The following TLK1 variants were observed in gnomAD, a reference collection of about 807,000 sequenced individuals.
TLK1 encodes serine/threonine-protein kinase tousled-like 1.
In TLK1, 24 loss-of-function variants were observed where a neutral mutation model predicts 105.3. The ratio of observed to expected loss-of-function variants is 0.23; its 90% CI spans 0.17 to 0.32. The LOEUF (loss-of-function observed/expected upper bound fraction) is 0.32. Ranked by LOEUF, TLK1 falls within the 10% of genes least tolerant of loss-of-function variation. The pLI is 1.00. For missense variants in TLK1, 558 were observed against 910.5 expected (o/e 0.61, Z 4.98); for synonymous variants, 321 against 310.4 (o/e 1.03, Z -0.36).
chr2:171,219,156 T>G (rs896724045), intron 1 of TLK1, among the ~76,000 whole-genome samples: 13 of 152,212 alleles, frequency 8.5e-5, no homozygotes, highest in Non-Finnish European at 1.6e-4. Context: ...AATTGTTTTC[T>G]TTCAGTTCTG....
chr2:171,156,505 A>C (rs1482406787), intron 1 of TLK1, among the ~76,000 whole-genome samples: 1 of 152,246 alleles, frequency 6.6e-6, no homozygotes, highest in Non-Finnish European at 1.5e-5. Context: ...CTGAGGCCAA[A>C]AGGCTAAAGC....
At chr2:171,056,398 C>CA in intron 6 of TLK1, 73 bp downstream of exon 6, 1 of 1,237,104 alleles carries the variant, frequency 8.1e-7, no homozygotes, top group Non-Finnish European at 1.1e-6. Context: ...TAAAAAACAA[C>CA]AAATTATAAA....
intron 18 of TLK1, 124 bp downstream of exon 18, chr2:171,006,023 A>C (rs1189863770): frequency 1.0e-6 from 1 of 976,012 alleles, no homozygotes; most frequent in African/African-American, 1.7e-5. Context: ...CTGAGAGCTT[A>C]ATATCAGTAC....
At chr2:171,150,619 A>C (rs1691994368) in intron 1 of TLK1, among the ~76,000 whole-genome samples, 1 of 152,256 alleles carries the variant, frequency 6.6e-6, no homozygotes, top group Non-Finnish European at 1.5e-5. Flanking sequence ...TGTGGACATC[A>C]GGAAAGAGAA....
intron 1 of TLK1, among the ~76,000 whole-genome samples, chr2:171,121,560 A>G (rs1242196298): frequency 6.6e-6 from 1 of 152,206 alleles, no homozygotes; most frequent in Non-Finnish European, 1.5e-5. Context: ...TTAATTCAAT[A>G]AATTGGACTT....
chr2:171,046,265 G>C lies in TLK1; in HGVS notation c.1078C>G (p.Pro360Ala), dbSNP rs762505380. The stretch of plus-strand genomic sequence containing the variant: ...TGTTTTGGTTCAGAATTGGTAGAGG[G>C]TGCCTGAGAATTATTAGCTGTGGGA... ...KPPTANNSQAPSTNSEPKQRK... is the reference protein window; with the variant it reads ...KPPTANNSQAASTNSEPKQRK... The change falls in exon 11 of 21, where the codon CCC (proline) becomes GCC (alanine). Residue 360 changes from proline (P) to alanine (A), a missense_variant. This residue lies in a region of TLK1 where 218 missense variants were observed against 492.9 expected (regional missense o/e 0.44). Coordinates refer to ENST00000431350, the MANE Select transcript of TLK1 (RefSeq NM_012290.5). 6.2e-7 allele frequency: 1 copy of C among 1,613,472 alleles called. No individual in the cohort carries two copies. The highest frequency in any genetic ancestry group is 1.3e-5 in the African/African-American group (1 of 74,888).
At chr2:171,037,027 A>T (rs1214763934) in intron 11 of TLK1, among the ~76,000 whole-genome samples, 1 of 152,224 alleles carries the variant, frequency 6.6e-6, no homozygotes, top group Non-Finnish European at 1.5e-5. Context: ...GAATACACAG[A>T]GCAAAGAAAA....
At chr2:171,049,669 G>A in intron 10 of TLK1, 145 bp downstream of exon 10, 1 of 897,348 alleles carries the variant, frequency 1.1e-6, no homozygotes, top group Non-Finnish European at 1.6e-6. Flanking sequence ...TAATACTCTT[G>A]GTTTCATATC....
intron 18 of TLK1, among the ~76,000 whole-genome samples, chr2:170,998,857 C>T (rs556554640): frequency 2.0e-5 from 3 of 152,340 alleles, no homozygotes; most frequent in African/African-American, 4.8e-5. Flanking sequence ...CAGCCTCACA[C>T]TCCTGGGCTC....
chr2:170,997,715 T>C lies in TLK1; in HGVS notation c.2013A>G (p.Arg671=). 6.3e-7 allele frequency: 1 copy of C among 1,587,194 alleles called. No homozygotes were observed. Among genetic ancestry groups the C allele is most frequent in the Non-Finnish European group, 8.6e-7 (1 of 1,162,786 alleles). Residue 671 remains arginine (R), a synonymous_variant, in exon 19 of 21, where the codon AGA becomes AGG. Coordinates refer to ENST00000431350, the MANE Select transcript of TLK1 (RefSeq NM_012290.5). ...AGGCTGGTAGAATTCAATTTACCTT[T>C]CTACCATAAAGACACTGAAAGAAGA... ...GVIFFQCLYG[R]KPFGHNQSQQ...
At chr2:171,070,482 A>G (rs564368111) in intron 3 of TLK1, among the ~76,000 whole-genome samples, 1 of 152,146 alleles carries the variant, frequency 6.6e-6, no homozygotes, top group South Asian at 2.1e-4. Context: ...CATAAGTTGC[A>G]TTGTCTTAAT....
rs1688069193 is a variant in TLK1 at position 171,067,763 on chromosome 2, G to GC, written c.331-6608dup. 2.6e-5 allele frequency among the ~76,000 whole-genome samples: 4 copies of GC among 151,852 alleles called. No individual in the cohort carries two copies. In the East Asian group the frequency reaches 7.7e-4, roughly 29 times the overall value. Reference sequence around the variant, plus strand: ...TTCTCCTTATGCTATCCCTCCCTCAGCCCCCACCTCAAAACAGGCCCTGTT... The same window carrying GC: ...TTCTCCTTATGCTATCCCTCCCTCAGCCCCCCACCTCAAAACAGGCCCTGTT... On this transcript the variant is annotated intron_variant, in intron 3 of 20. Coordinates refer to ENST00000431350, the MANE Select transcript of TLK1 (RefSeq NM_012290.5).
chr2:171,200,215 T>C (rs909985757), intron 1 of TLK1, among the ~76,000 whole-genome samples: 5 of 152,232 alleles, frequency 3.3e-5, no homozygotes, highest in Admixed American at 2.0e-4. Flanking sequence ...AGATACTATT[T>C]GTCAGCATTC....
rs897656116 is a variant in TLK1, at chr2:170,995,816, G to A, written c.2124+837C>T. On this transcript the variant is annotated intron_variant, in intron 20 of 20. Coordinates refer to ENST00000431350, the MANE Select transcript of TLK1 (RefSeq NM_012290.5). Reference sequence around the variant, plus strand: ...CTCTTGGTCTCAAGCGATCCTCCCAGCTCAGCATCCTGAGAAGCTGAAACT... The same window carrying A: ...CTCTTGGTCTCAAGCGATCCTCCCAACTCAGCATCCTGAGAAGCTGAAACT... 2.6e-5 allele frequency among the ~76,000 whole-genome samples: 4 copies of A among 152,118 alleles called. No individual in the cohort carries two copies. In the South Asian group the frequency reaches 8.3e-4, roughly 32 times the overall value.
intron 3 of TLK1, among the ~76,000 whole-genome samples, chr2:171,063,509 C>A (rs568421889): frequency 6.6e-6 from 1 of 152,170 alleles, no homozygotes; most frequent in Admixed American, 6.5e-5. Flanking sequence ...GGATCCTATT[C>A]GAATTCCATC....
At chr2:171,015,415 AACACACACACACACACAC>A (rs56238853) in intron 12 of TLK1, among the ~76,000 whole-genome samples, 45 of 132,690 alleles carry the variant, frequency 3.4e-4, no homozygotes, top group Non-Finnish European at 4.8e-4. Context: ...TTGGAGTACA[AACACACACACACACACAC>A]ACACACACAC....
chr2:171,078,791 G>T (rs984227590), intron 3 of TLK1, among the ~76,000 whole-genome samples: 1 of 152,152 alleles, frequency 6.6e-6, no homozygotes, highest in Non-Finnish European at 1.5e-5. Context: ...AACCTTGAAG[G>T]TTATAGAGTT....
At chr2:171,206,590 G>C (rs1404819096) in intron 1 of TLK1, among the ~76,000 whole-genome samples, 1 of 152,078 alleles carries the variant, frequency 6.6e-6, no homozygotes, top group Non-Finnish European at 1.5e-5. Flanking sequence ...TATTTAATGG[G>C]GACATGATAC....
At position 171,006,511 on chromosome 2, in the gene TLK1, C is replaced by T. The variant is rs1447607294; in HGVS notation, c.1731G>A (p.Glu577=). The change falls in exon 17 of 21, where the codon GAG becomes GAA. Residue 577 remains glutamate, a synonymous_variant. Coordinates refer to ENST00000431350, the MANE Select transcript of TLK1 (RefSeq NM_012290.5). ...CATAATGTATAATAGGGGGTTTGATCTCATTGAGATATCTTAGTGCATTTA... is the reference window on the plus strand; with the variant it reads ...CATAATGTATAATAGGGGGTTTGATTTCATTGAGATATCTTAGTGCATTTA... ...QIVNALRYLN[E]IKPPIIHYDL... The T allele has an allele frequency of 6.2e-7, 1 of 1,612,130 alleles. No individual in the cohort carries two copies. Among genetic ancestry groups the T allele is most frequent in the South Asian group, 1.1e-5 (1 of 90,978 alleles).
Sources: allele counts gnomAD v4.1 joint callset (sites outside exome capture counted in the v4.1 genomes callset), GRCh38; gene constraint gnomAD v4.1.1; regional missense constraint gnomAD v4.1.1; transcripts MANE v1.5; gene names NCBI Gene and HGNC (gene_info 2026-07-23, HGNC 2026-07-21).